Variants in NEBL observed in about 807,000 individuals in gnomAD.
NEBL encodes LIM and SH3 protein 2.
A neutral mutation model predicts 140.2 loss-of-function variants in NEBL; 122 were observed. That is an observed-to-expected ratio of 0.87 (90% CI 0.75 to 1.01). The LOEUF is 1.01. Among genes scored for constraint, NEBL ranks in the 50% least tolerant of loss-of-function variants. The pLI is 0.00. For missense variants in NEBL, 1,365 were observed against 1,231.3 expected, an observed-to-expected ratio of 1.11 and a Z score of -1.62; for synonymous variants, 436 against 398.9, an observed-to-expected ratio of 1.09 and a Z score of -1.11.
rs540223046 is a variant in NEBL, at chr10:21,173,782, C to T, written c.52G>A (p.Val18Ile). 1 of 1,613,122 alleles carries T rather than the reference C, an allele frequency of 6.2e-7. No individual in the cohort carries two copies. The highest frequency in any genetic ancestry group is 1.7e-5 in the Admixed American group (1 of 60,026). ...TCGCTCACCTTATCCAGGCAGTTGA[C>T]TTTCTCGGTGGGATACACGACTTTT... The change falls in exon 1 of 7, where the codon GTC becomes ATC. Residue 18 changes from valine to isoleucine, a missense_variant. Physicochemically the swap from Val to Ile is conservative, Grantham distance 29 (BLOSUM62 3). Transcript: ENST00000417816. This position sits in a 1 kb window ranked among gnomAD's most constrained non-coding sequence, Gnocchi z 5.7.
intron 2 of NEBL, among the ~76,000 whole-genome samples, chr10:21,148,474 A>C (rs992275819): frequency 6.6e-6 from 1 of 152,276 alleles, no homozygotes; most frequent in Middle Eastern, 3.4e-3. Context: ...AGAACCTCTC[A>C]GGCAGAGTTT....
intron 1 of NEBL, among the ~76,000 whole-genome samples, chr10:21,275,823 T>G (rs1842915253): frequency 6.8e-6 from 1 of 146,952 alleles, no homozygotes; most frequent in Non-Finnish European, 1.5e-5. Flanking sequence ...TTTTTTTTTT[T>G]TTTTTTGTAT....
intron 3 of NEBL, among the ~76,000 whole-genome samples, chr10:21,010,912 A>G (rs1288191644): frequency 6.6e-6 from 1 of 152,208 alleles, no homozygotes; most frequent in East Asian, 1.9e-4. Flanking sequence ...ACTTCCCTCA[A>G]ATCTATGTGA....
At chr10:20,872,356 G>T (rs1462490748) in intron 5 of NEBL, among the ~76,000 whole-genome samples, 6 of 152,154 alleles carry the variant, frequency 3.9e-5, no homozygotes, top group African/African-American at 1.4e-4. Flanking sequence ...CTGATCACTT[G>T]TCAGATCTTC....
At chr10:20,828,725 A>AGG (rs2130889279) in intron 16 of NEBL, 91 bp from the exon 17 acceptor site, 1 of 828,084 alleles carries the variant, frequency 1.2e-6, no homozygotes, top group South Asian at 1.4e-5. Context: ...AGGAAGGGAG[A>AGG]GAGAGAGAGT....
intron 9 of NEBL, among the ~76,000 whole-genome samples, chr10:20,854,813 C>T (rs570250105): frequency 2.6e-5 from 4 of 152,216 alleles, no homozygotes; most frequent in African/African-American, 9.6e-5. Flanking sequence ...CATCCTCCTG[C>T]CTTGGCCTCC....
chr10:20,908,459 T>C (rs569470587), intron 4 of NEBL, among the ~76,000 whole-genome samples: 18 of 152,278 alleles, frequency 1.2e-4, no homozygotes, highest in Non-Finnish European at 2.2e-4. Context: ...CCATGGGCGT[T>C]AGAAGCAACA....
At chr10:21,166,707 G>A (rs1840793741) in intron 2 of NEBL, among the ~76,000 whole-genome samples, 1 of 152,184 alleles carries the variant, frequency 6.6e-6, no homozygotes, top group African/African-American at 2.4e-5. Flanking sequence ...TGGCAATCGA[G>A]AGACTTGCTC....
intron 4 of NEBL, among the ~76,000 whole-genome samples, chr10:20,960,014 G>A (rs764512308): frequency 3.3e-5 from 5 of 151,880 alleles, no homozygotes; most frequent in Non-Finnish European, 7.4e-5. Context: ...TAATGATAAA[G>A]GTTGGTAAAA....
chr10:21,147,679 G>A (rs1038762955), intron 2 of NEBL, among the ~76,000 whole-genome samples: 2 of 152,146 alleles, frequency 1.3e-5, no homozygotes, highest in Non-Finnish European at 2.9e-5. Flanking sequence ...CCGCCTCCAC[G>A]GAAGGAACAA....
At chr10:21,099,472 TA>T (rs1230246169) in intron 2 of NEBL, among the ~76,000 whole-genome samples, 1 of 152,162 alleles carries the variant, frequency 6.6e-6, no homozygotes, top group African/African-American at 2.4e-5. Flanking sequence ...CCATCTATTT[TA>T]AAATATCATC....
intron 3 of NEBL, among the ~76,000 whole-genome samples, chr10:21,217,107 G>T (rs1457146769): frequency 6.6e-6 from 1 of 152,184 alleles, no homozygotes; most frequent in Non-Finnish European, 1.5e-5. Context: ...TAGCTTCAAG[G>T]TAAGTCCACC....
chr10:21,264,699 A>T (rs1842778216), intron 1 of NEBL, among the ~76,000 whole-genome samples: 5 of 79,978 alleles, frequency 6.3e-5, no homozygotes, highest in African/African-American at 3.2e-4. Context: ...TGCTATTTAA[A>T]AAAAAAAAAA....
At chr10:20,924,413 T>A (rs1214075443) in intron 4 of NEBL, among the ~76,000 whole-genome samples, 424 of 58,890 alleles carry the variant, frequency 7.2e-3, no homozygotes, top group South Asian at 0.012. Flanking sequence ...AGGCATGAAG[T>A]AAAAAAAAAA....
intron 1 of NEBL, among the ~76,000 whole-genome samples, chr10:21,280,894 C>T (rs898873671): frequency 6.6e-6 from 1 of 152,056 alleles, no homozygotes; most frequent in African/African-American, 2.4e-5. Context: ...TGATTACAGG[C>T]GTGAGCCACC....
chr10:20,939,921 C>G (rs562935295), intron 4 of NEBL, among the ~76,000 whole-genome samples: 1 of 151,990 alleles, frequency 6.6e-6, no homozygotes, highest in Non-Finnish European at 1.5e-5. Flanking sequence ...ACAGGAGCAC[C>G]CAGATTCATA....
At chr10:21,115,905 C>T (rs868167233) in intron 2 of NEBL, among the ~76,000 whole-genome samples, 23 of 152,066 alleles carry the variant, frequency 1.5e-4, no homozygotes, top group Admixed American at 4.6e-4. Flanking sequence ...CTATTTTCTA[C>T]GGTCCCACTA....
At chr10:21,273,519 G>A (rs189655917) in intron 1 of NEBL, among the ~76,000 whole-genome samples, 70 of 152,292 alleles carry the variant, frequency 4.6e-4, no homozygotes, top group African/African-American at 1.6e-3. Context: ...GATCCAATTT[G>A]TGAGGCTGTG....
At chr10:21,165,867 G>A (rs1840740105) in intron 2 of NEBL, among the ~76,000 whole-genome samples, 3 of 152,090 alleles carry the variant, frequency 2.0e-5, no homozygotes, top group South Asian at 4.1e-4. Context: ...GTCATTGTAC[G>A]TTACAGGTAA....
Sources: allele counts gnomAD v4.1 joint callset (sites outside exome capture counted in the v4.1 genomes callset), GRCh38; gene constraint gnomAD v4.1.1; non-coding constraint Gnocchi (gnomAD v3.1); transcripts MANE v1.5; gene names NCBI Gene and HGNC (gene_info 2026-07-23, HGNC 2026-07-21).